SYNE2: variants seen among roughly 807,000 people sequenced by gnomAD.
The protein encoded by SYNE2 is spectrin repeat containing nuclear envelope protein 2.
Under a neutral mutation model 856.3 loss-of-function variants are expected in SYNE2, and 431 were observed. That is an observed-to-expected ratio of 0.50 (90% CI 0.47 to 0.55). The LOEUF (loss-of-function observed/expected upper bound fraction) is 0.55. SYNE2 is among the 20% of genes least tolerant of loss of function. SYNE2 has a pLI of 0.00. For synonymous variants in SYNE2, 2,923 were observed against 2,872.3 expected, an observed-to-expected ratio of 1.02 and a Z score of -0.56; for missense variants, 8,129 against 8,023.2, an observed-to-expected ratio of 1.01 and a Z score of -0.50.
intron 99 of SYNE2, among the ~76,000 whole-genome samples, chr14:64,195,814 C>A (rs2098538434): frequency 6.6e-6 from 1 of 152,210 alleles, no homozygotes; most frequent in Non-Finnish European, 1.5e-5. Context: ...TTGCGTTGGT[C>A]TTAGCAGGTT....
At chr14:63,866,903 T>TG (rs2140290426) in intron 1 of SYNE2, among the ~76,000 whole-genome samples, 1 of 152,294 alleles carries the variant, frequency 6.6e-6, no homozygotes, top group African/African-American at 2.4e-5. Flanking sequence ...GCCCAGAAGA[T>TG]GGAGATTGTG....
At chr14:64,105,056 C>G (rs142781439) in intron 64 of SYNE2, among the ~76,000 whole-genome samples, 7 of 152,290 alleles carry the variant, frequency 4.6e-5, no homozygotes, top group Admixed American at 6.5e-5. Flanking sequence ...CCTGTCACAT[C>G]CTGTCAGTGG....
chr14:63,968,447 C>T (rs147919136), intron 11 of SYNE2, among the ~76,000 whole-genome samples: 4 of 152,148 alleles, frequency 2.6e-5, no homozygotes, highest in African/African-American at 9.6e-5. Context: ...TGACCTGTGG[C>T]GGCTTCTCTA....
At chr14:63,923,573 T>C (rs889528513) in intron 2 of SYNE2, among the ~76,000 whole-genome samples, 2 of 152,158 alleles carry the variant, frequency 1.3e-5, no homozygotes, top group Admixed American at 6.5e-5. Flanking sequence ...GCAGGCAAAA[T>C]GAGGAGCAAA....
chr14:64,094,104 G>A (rs1429980349), intron 61 of SYNE2, among the ~76,000 whole-genome samples: 1 of 151,882 alleles, frequency 6.6e-6, no homozygotes, highest in East Asian at 1.9e-4. Flanking sequence ...AGGCCGAGGC[G>A]GGCAGATCAC....
rs555013516 is a variant in SYNE2 at position 64,122,041 on chromosome 14, A to T, written c.13188A>T (p.Lys4396Asn). The T allele has an allele frequency of 2.5e-5, 40 of 1,613,900 alleles. No individual in the cohort carries two copies. The African/African-American group carries it at 3.6e-4, about 15-fold the overall frequency. ...QVLELKPMEQ[K>N]DFIKFIEFNA... ...TGGAGTTAAAACCAATGGAACAGAA[A>T]GATTTCATCAAATTCATAGAATTTA... Residue 4396 changes from lysine (K) to asparagine (N), a missense_variant, in exon 69 of 116, where the codon AAA becomes AAT. Lys to Asn is a moderately conservative substitution (Grantham distance 94). Coordinates refer to ENST00000555002, the MANE Select transcript of SYNE2 (RefSeq NM_182914.3).
At chr14:64,046,967 T>A (rs556846701) in intron 45 of SYNE2, among the ~76,000 whole-genome samples, 6 of 152,340 alleles carry the variant, frequency 3.9e-5, no homozygotes, top group African/African-American at 1.4e-4. Flanking sequence ...TGGTGGTATG[T>A]TAGTAGCTCA....
chr14:63,928,851 T>G (rs4902254), intron 2 of SYNE2, among the ~76,000 whole-genome samples: 78,650 of 151,910 alleles, frequency 0.52, 22,827 homozygotes, highest in Non-Finnish European at 0.64. Context: ...GTGTCCGTCC[T>G]AGCTAACAGT....
intron 96 of SYNE2, among the ~76,000 whole-genome samples, chr14:64,182,355 A>AATTT (rs138538098): frequency 6.6e-6 from 1 of 151,594 alleles, no homozygotes; most frequent in African/African-American, 2.4e-5. Context: ...GGGGCAATTT[A>AATTT]ATTTATTTAT....
At chr14:64,045,948 T>C (rs2097183208) in intron 45 of SYNE2, among the ~76,000 whole-genome samples, 1 of 152,234 alleles carries the variant, frequency 6.6e-6, no homozygotes, top group Non-Finnish European at 1.5e-5. Flanking sequence ...CATTACTATC[T>C]AGACAGTATT....
At chr14:64,161,161 T>C (rs1251379582) in intron 87 of SYNE2, among the ~76,000 whole-genome samples, 3 of 151,988 alleles carry the variant, frequency 2.0e-5, no homozygotes, top group Non-Finnish European at 2.9e-5. Context: ...CTGGGTAGCA[T>C]GGTGAAACCC....
rs749876151 is a variant in SYNE2 at position 63,781,598 on chromosome 14, A to G, written c.-305+19612A>G. Among the ~76,000 whole-genome samples, 42 of 151,756 alleles carry G rather than the reference A, an allele frequency of 2.8e-4. 1 individual carries two copies. The highest frequency in any genetic ancestry group is 5.4e-4 in the Non-Finnish European group (37 of 67,978). The stretch of plus-strand genomic sequence containing the variant: ...ACTGTTGGAAATGGAAGTTACACAT[A>G]TGGAGAAGAGGAGGGCTAGCATGAA... On this transcript the variant is annotated intron_variant, in intron 1 of 23. Coordinates refer to the SYNE2 transcript ENST00000674003.
intron 87 of SYNE2, among the ~76,000 whole-genome samples, chr14:64,161,817 A>G (rs957582873): frequency 2.0e-5 from 3 of 152,154 alleles, no homozygotes; most frequent in African/African-American, 7.2e-5. Context: ...CATTCATAAC[A>G]TCATAGGTAT....
At chr14:64,218,059 C>A (rs146945330) in intron 108 of SYNE2, among the ~76,000 whole-genome samples, 1 of 152,188 alleles carries the variant, frequency 6.6e-6, no homozygotes, top group South Asian at 2.1e-4. Context: ...ACGCAGTAAC[C>A]GTCTGGTAAG....
chr14:63,796,885 A>G lies in SYNE2; in HGVS notation c.-305+34899A>G, dbSNP rs570952246. ...ACGAGGTCAGGAGTTGGAGACCAGC[A>G]TGGCCAATATGGTGAAACCCTATCT... On this transcript the variant is annotated intron_variant, in intron 1 of 23. Transcript: ENST00000674003. 2.1e-4 allele frequency among the ~76,000 whole-genome samples: 32 copies of G among 152,076 alleles called. No individual in the cohort carries two copies. The East Asian group carries it at 5.8e-3, about 28-fold the overall frequency.
At chr14:64,152,257 G>C (rs1176408508) in intron 84 of SYNE2, among the ~76,000 whole-genome samples, 1 of 152,164 alleles carries the variant, frequency 6.6e-6, no homozygotes, top group East Asian at 1.9e-4. Flanking sequence ...TGAAAGGTTC[G>C]ATGACTTATG....
rs1436860463 is a variant in SYNE2 at position 64,219,365 on chromosome 14, T to G, written c.19815T>G (p.Pro6605=). The G allele has an allele frequency of 5.0e-6, 8 of 1,614,116 alleles. No individual in the cohort carries two copies. The highest frequency in any genetic ancestry group is 6.8e-6 in the Non-Finnish European group (8 of 1,180,024). The change falls in exon 110 of 116, where the codon CCT becomes CCG. Residue 6605 remains proline, a synonymous_variant. Coordinates refer to ENST00000555002, the MANE Select transcript of SYNE2 (RefSeq NM_182914.3). The part of the protein sequence containing the change: ...AELEMLKMAK[P]PSDIQEIELR... The stretch of plus-strand genomic sequence containing the variant: ...TGGAAATGTTAAAGATGGCAAAGCC[T>G]CCCTCTGATATCCAGGAAATAGAAC...
intron 1 of SYNE2, among the ~76,000 whole-genome samples, chr14:63,786,044 A>G (rs1887513802): frequency 6.6e-6 from 1 of 152,168 alleles, no homozygotes; most frequent in African/African-American, 2.4e-5. Context: ...TGAGGTCAGG[A>G]GTTCAAGACC....
intron 1 of SYNE2, among the ~76,000 whole-genome samples, chr14:63,868,931 A>T (rs1446256715): frequency 6.6e-6 from 1 of 152,232 alleles, no homozygotes; most frequent in South Asian, 2.1e-4. Context: ...AATTGAACTA[A>T]AACAAGACTT....
Sources: allele counts gnomAD v4.1 joint callset (sites outside exome capture counted in the v4.1 genomes callset), GRCh38; gene constraint gnomAD v4.1.1; transcripts MANE v1.5; gene names NCBI Gene and HGNC (gene_info 2026-07-23, HGNC 2026-07-21).